Variants in CFAP299 observed in about 807,000 individuals in gnomAD.
CFAP299 encodes cilia and flagella associated protein 299.
Under a neutral mutation model 27.0 loss-of-function variants are expected in CFAP299, and 21 were observed. The observed-to-expected ratio is 0.78, with a 90% CI of 0.55 to 1.12. The LOEUF is 1.12. Ranked by LOEUF, CFAP299 falls within the 50% of genes most tolerant of loss-of-function variation. CFAP299 has a pLI of 0.00. For missense variants in CFAP299, 310 were observed against 276.6 expected (o/e 1.12, Z -0.86); for synonymous variants, 104 against 98.1 (o/e 1.06, Z -0.36).
intron 2 of CFAP299, among the ~76,000 whole-genome samples, chr4:80,531,747 GTTTT>G (rs200507684): frequency 8.6e-6 from 1 of 116,488 alleles, no homozygotes. Context: ...TAAGATAGAA[GTTTT>G]TTTTTTTTTT....
intron 3 of CFAP299, among the ~76,000 whole-genome samples, chr4:80,631,072 T>C (rs2109946417): frequency 6.6e-6 from 1 of 152,186 alleles, no homozygotes; most frequent in East Asian, 1.9e-4. Flanking sequence ...TTGTTTAAAT[T>C]AATTATAAAA....
chr4:80,948,427 G>T (rs1232881305), intron 5 of CFAP299, among the ~76,000 whole-genome samples: 1 of 81,906 alleles, frequency 1.2e-5, no homozygotes, highest in East Asian at 3.5e-4. Flanking sequence ...AAGAATGCTT[G>T]TTTGAGTGAT....
intron 2 of CFAP299, among the ~76,000 whole-genome samples, chr4:80,396,866 T>G (rs933812410): frequency 2.6e-5 from 4 of 152,182 alleles, no homozygotes; most frequent in African/African-American, 9.6e-5. Context: ...TCTGCCAGGC[T>G]TTGGTGTCAG....
chr4:80,762,803 A>G (rs59437917), intron 3 of CFAP299, among the ~76,000 whole-genome samples: 8,223 of 152,188 alleles, frequency 0.054, 758 homozygotes, highest in African/African-American at 0.19. Context: ...CCAGCATCCA[A>G]TGATGGACAC....
intron 4 of CFAP299, among the ~76,000 whole-genome samples, chr4:80,903,286 G>C (rs1735018825): frequency 6.6e-6 from 1 of 151,768 alleles, no homozygotes; most frequent in Non-Finnish European, 1.5e-5. Flanking sequence ...TTTTCCTGTT[G>C]GCTCAAAAAG....
intron 3 of CFAP299, among the ~76,000 whole-genome samples, chr4:80,750,956 C>T (rs552825758): frequency 1.3e-5 from 2 of 152,260 alleles, no homozygotes; most frequent in East Asian, 3.9e-4. Flanking sequence ...TATTGGGTTA[C>T]AACATGCTCC....
At chr4:80,338,657 T>C (rs577127962) in intron 1 of CFAP299, among the ~76,000 whole-genome samples, 1 of 152,340 alleles carries the variant, frequency 6.6e-6, no homozygotes, top group East Asian at 1.9e-4. Flanking sequence ...TTTTAGTCGA[T>C]AATCCTTCAC....
At chr4:80,625,267 G>A (rs1317449811) in intron 3 of CFAP299, among the ~76,000 whole-genome samples, 1 of 151,984 alleles carries the variant, frequency 6.6e-6, no homozygotes, top group East Asian at 1.9e-4. Context: ...AAAGTAGATG[G>A]TGTGTCTGTG....
chr4:80,845,457 T>C (rs1170549481), intron 3 of CFAP299, among the ~76,000 whole-genome samples: 7 of 152,156 alleles, frequency 4.6e-5, no homozygotes, highest in Non-Finnish European at 8.8e-5. Context: ...TCTCAAATTT[T>C]ATTTCACATC....
At chr4:80,807,184 T>G (rs896878975) in intron 3 of CFAP299, among the ~76,000 whole-genome samples, 1 of 152,062 alleles carries the variant, frequency 6.6e-6, no homozygotes, top group Non-Finnish European at 1.5e-5. Context: ...AGTTCAAATA[T>G]AAAAACTTAT....
chr4:80,354,100 AG>A (rs1422107187), intron 1 of CFAP299, among the ~76,000 whole-genome samples: 3 of 152,204 alleles, frequency 2.0e-5, no homozygotes, highest in South Asian at 2.1e-4. Context: ...AAATGAGCAA[AG>A]GGTTCATTTA....
chr4:80,799,811 AT>A lies in CFAP299; in HGVS notation c.334-70181del, dbSNP rs1423073376. ...ATATATTATATTATATAATATATAA[AT>A]ATATATATTATATATATTTATATAT... On this transcript the variant is annotated intron_variant, in intron 3 of 5. Coordinates refer to ENST00000358105, the MANE Select transcript of CFAP299 (RefSeq NM_152770.3). Among the ~76,000 whole-genome samples, 8 of 23,542 alleles carry A rather than the reference AT, an allele frequency of 3.4e-4. No homozygotes were observed. The African/African-American group carries it at 4.3e-3, about 13-fold the overall frequency. The allele number at this position is 23,542 out of a possible 152,430, so 15.4% of individuals were successfully genotyped here.
chr4:80,403,429 T>G (rs975542079), intron 2 of CFAP299, among the ~76,000 whole-genome samples: 3 of 152,236 alleles, frequency 2.0e-5, no homozygotes, highest in African/African-American at 7.2e-5. Flanking sequence ...GTTTTGAATC[T>G]TGTTCATCCT....
intron 2 of CFAP299, among the ~76,000 whole-genome samples, chr4:80,395,056 A>T (rs1246261865): frequency 1.3e-5 from 2 of 152,082 alleles, no homozygotes; most frequent in Non-Finnish European, 2.9e-5. Flanking sequence ...CTAATTCATG[A>T]ACATGTGATA....
At chr4:80,590,534 G>A (rs2109883817) in intron 3 of CFAP299, among the ~76,000 whole-genome samples, 1 of 152,214 alleles carries the variant, frequency 6.6e-6, no homozygotes, top group East Asian at 1.9e-4. Flanking sequence ...CTACTTGGGA[G>A]GCTGAGGCAG....
At chr4:80,529,782 GA>G (rs1328591748) in intron 2 of CFAP299, among the ~76,000 whole-genome samples, 1 of 151,764 alleles carries the variant, frequency 6.6e-6, no homozygotes, top group Non-Finnish European at 1.5e-5. Context: ...CAGGTGCAAG[GA>G]AAAGGTAGTC....
chr4:80,739,888 T>C (rs923571503), intron 3 of CFAP299, among the ~76,000 whole-genome samples: 3 of 152,208 alleles, frequency 2.0e-5, no homozygotes, highest in Non-Finnish European at 4.4e-5. Flanking sequence ...TCTGTGTATT[T>C]TAAAATATCC....
At chr4:80,938,375 T>G (rs1578253324) in intron 4 of CFAP299, among the ~76,000 whole-genome samples, 1 of 152,328 alleles carries the variant, frequency 6.6e-6, no homozygotes, top group Middle Eastern at 3.4e-3. Flanking sequence ...CTTAAAGGTG[T>G]TCTTAAACCA....
chr4:80,875,327 C>A (rs1349437179), intron 4 of CFAP299, among the ~76,000 whole-genome samples: 1 of 152,150 alleles, frequency 6.6e-6, no homozygotes, highest in Non-Finnish European at 1.5e-5. Context: ...AAAAATTTCC[C>A]ACAAAATATC....
Sources: gnomAD v4.1 joint callset for allele counts (sites outside exome capture counted in the v4.1 genomes callset) on GRCh38, gnomAD v4.1.1 for gene constraint, MANE v1.5 for transcripts, NCBI Gene and HGNC (gene_info 2026-07-23, HGNC 2026-07-21) for gene names.